Variants in TBL1XR1 observed in about 807,000 individuals in gnomAD.
TBL1XR1 encodes the protein TBL1X/Y related 1.
A neutral mutation model predicts 66.9 loss-of-function variants in TBL1XR1; 5 were observed. The ratio of observed to expected loss-of-function variants is 0.07; its 90% CI spans 0.04 to 0.16. TBL1XR1 has a LOEUF of 0.16. TBL1XR1 is among the 10% of genes least tolerant of loss of function. The pLI is 1.00. For synonymous variants in TBL1XR1, 210 were observed against 206.0 expected (o/e 1.02, Z -0.17); for missense variants, 238 against 623.2 (o/e 0.38, Z 6.58).
chr3:177,180,397 C>T (rs1008316094), intron 1 of TBL1XR1, among the ~76,000 whole-genome samples: 14 of 131,780 alleles, frequency 1.1e-4, no homozygotes, highest in African/African-American at 4.0e-4. Flanking sequence ...TTAATAGTAC[C>T]TTGTCTGTTT....
chr3:177,139,866 A>T (rs181181041), intron 1 of TBL1XR1, among the ~76,000 whole-genome samples: 138 of 152,326 alleles, frequency 9.1e-4, no homozygotes, highest in Non-Finnish European at 1.6e-3. Flanking sequence ...TACCTGTAGT[A>T]ACTGGAGTCT....
At chr3:177,109,775 G>A (rs1020106954) in intron 1 of TBL1XR1, among the ~76,000 whole-genome samples, 2 of 152,042 alleles carry the variant, frequency 1.3e-5, no homozygotes, top group African/African-American at 4.8e-5. Flanking sequence ...AAGTTGGGGG[G>A]AAGAGAGGTG....
At chr3:177,026,653 A>C in intron 14 of TBL1XR1, 179 bp from the exon 15 acceptor site, 1 of 524,110 alleles carries the variant, frequency 1.9e-6, no homozygotes, top group Non-Finnish European at 3.3e-6. Context: ...CAAAAAGATA[A>C]TACCAGCCTG....
intron 1 of TBL1XR1, among the ~76,000 whole-genome samples, chr3:177,192,398 CAA>C (rs759331999): frequency 4.0e-4 from 33 of 83,410 alleles, no homozygotes; most frequent in Admixed American, 5.1e-4. Flanking sequence ...GACTTTATCT[CAA>C]AAAAAAAAAA....
chr3:177,030,663 T>C (rs547933787), intron 14 of TBL1XR1, among the ~76,000 whole-genome samples: 6 of 152,298 alleles, frequency 3.9e-5, no homozygotes, highest in African/African-American at 7.2e-5. Context: ...ATCTGAGCAG[T>C]AGATATATGA....
intron 2 of TBL1XR1, among the ~76,000 whole-genome samples, chr3:177,069,173 A>G (rs1182955488): frequency 1.3e-5 from 2 of 152,208 alleles, no homozygotes; most frequent in Non-Finnish European, 2.9e-5. Flanking sequence ...GTGAGTCAGT[A>G]TATGTCACAG....
chr3:177,048,353 T>C (rs1322687608), intron 7 of TBL1XR1, among the ~76,000 whole-genome samples: 1 of 152,202 alleles, frequency 6.6e-6, no homozygotes, highest in East Asian at 1.9e-4. Flanking sequence ...TCAGTAAACA[T>C]TACTGGAGAA....
intron 1 of TBL1XR1, among the ~76,000 whole-genome samples, chr3:177,099,638 G>A (rs1723944945): frequency 1.3e-5 from 2 of 152,244 alleles, no homozygotes; most frequent in African/African-American, 4.8e-5. Flanking sequence ...GCGTGGGCGT[G>A]AGCCCCCAAG....
At chr3:177,155,764 C>T (rs982383143) in intron 1 of TBL1XR1, among the ~76,000 whole-genome samples, 1 of 152,196 alleles carries the variant, frequency 6.6e-6, no homozygotes, top group Middle Eastern at 3.4e-3. Context: ...GCCTGTAATC[C>T]GTGCACTCCG....
At chr3:177,098,229 A>G (rs563401196) in intron 2 of TBL1XR1, among the ~76,000 whole-genome samples, 17 of 151,548 alleles carry the variant, frequency 1.1e-4, no homozygotes, top group African/African-American at 3.9e-4. Context: ...ACATAAAAAG[A>G]AAAGAAAATA....
At chr3:177,065,937 ATT>A (rs906567552) in intron 2 of TBL1XR1, among the ~76,000 whole-genome samples, 4 of 151,446 alleles carry the variant, frequency 2.6e-5, no homozygotes, top group Non-Finnish European at 5.9e-5. Context: ...TATTCTTCTG[ATT>A]TTTTTTTCCT....
chr3:177,168,535 G>A (rs1463847605), intron 1 of TBL1XR1, among the ~76,000 whole-genome samples: 3 of 152,096 alleles, frequency 2.0e-5, no homozygotes, highest in African/African-American at 7.2e-5. Flanking sequence ...ACCCACCTGG[G>A]CCTCCCAAAG....
intron 1 of TBL1XR1, among the ~76,000 whole-genome samples, chr3:177,165,345 A>G (rs986552616): frequency 3.3e-4 from 50 of 152,212 alleles, no homozygotes; most frequent in African/African-American, 1.2e-3. Context: ...AATAAATCAA[A>G]GAACTAAATA....
intron 1 of TBL1XR1, among the ~76,000 whole-genome samples, chr3:177,144,776 G>C (rs1429605239): frequency 1.3e-5 from 2 of 152,136 alleles, no homozygotes; most frequent in East Asian, 3.9e-4. Context: ...AAAAGAAAAA[G>C]AAAGCAGCCA....
upstream of TBL1XR1, among the ~76,000 whole-genome samples, chr3:177,199,975 T>C (rs1166242502): frequency 1.3e-5 from 2 of 151,216 alleles, no homozygotes; most frequent in Non-Finnish European, 2.9e-5. Flanking sequence ...AGAGCAGGAG[T>C]ACATTTTTTT....
intron 1 of TBL1XR1, among the ~76,000 whole-genome samples, chr3:177,191,911 G>A (rs1736189895): frequency 6.6e-6 from 1 of 151,630 alleles, no homozygotes; most frequent in South Asian, 2.1e-4. Flanking sequence ...TGACCAACAT[G>A]GTGAAACCCC....
chr3:177,071,441 A>C (rs1719997344), intron 2 of TBL1XR1, among the ~76,000 whole-genome samples: 1 of 152,150 alleles, frequency 6.6e-6, no homozygotes, highest in Non-Finnish European at 1.5e-5. Flanking sequence ...GAGGGAAAAA[A>C]ATCCTACGTA....
At chr3:177,039,615 C>T (rs528562780) in intron 10 of TBL1XR1, among the ~76,000 whole-genome samples, 1 of 152,266 alleles carries the variant, frequency 6.6e-6, no homozygotes, top group South Asian at 2.1e-4. Flanking sequence ...TTGTCTCCTG[C>T]TGCAAGGTGC....
At chr3:177,083,171 A>T (rs1276667789) in intron 2 of TBL1XR1, among the ~76,000 whole-genome samples, 2 of 152,166 alleles carry the variant, frequency 1.3e-5, no homozygotes, top group Non-Finnish European at 2.9e-5. Context: ...CAATTAAGAG[A>T]GTGGAAACAA....
Sources: gnomAD v4.1 joint callset for allele counts (sites outside exome capture counted in the v4.1 genomes callset) on GRCh38, gnomAD v4.1.1 for gene constraint, MANE v1.5 for transcripts, NCBI Gene and HGNC (gene_info 2026-07-23, HGNC 2026-07-21) for gene names.